The following RSRC2 variants were observed in gnomAD, a reference collection of about 807,000 sequenced individuals.
The protein encoded by RSRC2 is arginine/serine-rich coiled-coil protein 2.
Under a neutral mutation model 61.3 loss-of-function variants are expected in RSRC2, and 5 were observed. The ratio of observed to expected loss-of-function variants is 0.08; its 90% CI spans 0.04 to 0.17. The LOEUF is 0.17. RSRC2 is among the 10% of genes least tolerant of loss of function. The pLI is 1.00. For missense variants in RSRC2, 381 were observed against 518.8 expected, an observed-to-expected ratio of 0.73 and a Z score of 2.58; for synonymous variants, 202 against 166.5, an observed-to-expected ratio of 1.21 and a Z score of -1.64.
Position 122,526,112 on chromosome 12 carries a change from G to A in RSRC2, c.6+736C>T, listed in dbSNP as rs1400130603. ...GCTGGGATTACAGGCGTGAGCCACC[G>A]CGCCCGGCCAACGAAGGGTTTAAAT... is the stretch of plus-strand genomic sequence containing the variant. On this transcript the variant is annotated intron_variant, in intron 1 of 9. Coordinates refer to ENST00000331738, the MANE Select transcript of RSRC2 (RefSeq NM_023012.6). The A allele has an allele frequency of 2.3e-4, 2 of 8,546 alleles. 1 individual carries two copies. Among genetic ancestry groups the A allele is most frequent in the Non-Finnish European group, 3.9e-4 (2 of 5,104 alleles). 0.5% of individuals were successfully genotyped at this position (8,546 alleles called of 1,614,324 possible). A position where few individuals can be genotyped will look rare whatever the true frequency, so the allele number is the denominator to read the frequency against.
In RSRC2 at chr12:122,504,908, T is replaced by C. The variant is rs1235438652; in HGVS notation, c.*619A>G. ...CCTTTTACATTTTTGCTCACCACGG[T>C]ATTGACTGTAGTATAGTTAACTGGC... On this transcript the variant is annotated 3_prime_UTR_variant, in exon 10 of 10. Transcript: ENST00000331738. 1 of 152,614 alleles carries C rather than the reference T, an allele frequency of 6.6e-6. No individual in the cohort carries two copies. The highest frequency in any genetic ancestry group is 1.9e-4 in the East Asian group (1 of 5,200). 9.5% of individuals were successfully genotyped at this position (152,614 alleles called of 1,614,324 possible).
rs1958148067 is a variant in RSRC2, at chr12:122,506,939, G to A, written c.1036-16C>T. On this transcript the variant is annotated splice_polypyrimidine_tract_variant and intron_variant, in intron 8 of 9. Transcript: ENST00000331738. ...GGGATTTGTCCTGTTAACAAACACTGAACTTTAAAATATGTAAAATTTAAA... is the reference window on the plus strand; with the variant it reads ...GGGATTTGTCCTGTTAACAAACACTAAACTTTAAAATATGTAAAATTTAAA... The A allele has an allele frequency of 1.5e-6, 2 of 1,353,184 alleles. No homozygotes were observed. Among genetic ancestry groups the A allele is most frequent in the South Asian group, 1.2e-5 (1 of 83,136 alleles). 83.8% of individuals were successfully genotyped at this position (1,353,184 alleles called of 1,614,324 possible). A position where few individuals can be genotyped will look rare whatever the true frequency, so the allele number is the denominator to read the frequency against.
At chr12:122,522,537 G>T in intron 1 of RSRC2, 2 of 331,260 alleles carry the variant, frequency 6.0e-6, no homozygotes, top group Non-Finnish European at 5.5e-6. Flanking sequence ...ATTTTCTAAC[G>T]ATGATTTGTA....
chr12:122,525,187 G>T (rs774951972), intron 1 of RSRC2, among the ~76,000 whole-genome samples: 1 of 151,974 alleles, frequency 6.6e-6, no homozygotes, highest in Non-Finnish European at 1.5e-5. Flanking sequence ...CAGCCTGGCC[G>T]ACGTGGTGAA....
intron 9 of RSRC2, among the ~76,000 whole-genome samples, chr12:122,505,970 G>A (rs1393906612): frequency 1.3e-5 from 2 of 151,926 alleles, no homozygotes; most frequent in African/African-American, 4.8e-5. Context: ...GTAGAGACGG[G>A]GTTTCACCAC....
intron 9 of RSRC2, among the ~76,000 whole-genome samples, chr12:122,506,065 G>A (rs200521931): frequency 5.3e-4 from 80 of 152,138 alleles, no homozygotes; most frequent in African/African-American, 1.9e-3. Context: ...TGGGATTACA[G>A]GTGTGAACTA....
intron 1 of RSRC2, among the ~76,000 whole-genome samples, chr12:122,524,391 CT>C (rs1296414801): frequency 2.0e-5 from 3 of 152,184 alleles, no homozygotes; most frequent in Non-Finnish European, 4.4e-5. Flanking sequence ...TTGCACGACA[CT>C]TTTGCCAGAG....
At chr12:122,517,798 A>G (rs1959048961) in intron 4 of RSRC2, among the ~76,000 whole-genome samples, 1 of 152,182 alleles carries the variant, frequency 6.6e-6, no homozygotes, top group Non-Finnish European at 1.5e-5. Context: ...CTCCAAAAAA[A>G]ACCCCACCAA....
intron 4 of RSRC2, 116 bp downstream of exon 4, chr12:122,518,723 C>T (rs1409835152): frequency 2.3e-6 from 2 of 855,462 alleles, no homozygotes; most frequent in East Asian, 4.9e-5. Context: ...ACCACAAACC[C>T]AAACAAACGA....
chr12:122,522,515 G>A (rs900922824), intron 1 of RSRC2: 6 of 378,934 alleles, frequency 1.6e-5, no homozygotes, highest in Non-Finnish European at 2.8e-5. Context: ...TATTTAGACT[G>A]ATGTATCTTT....
chr12:122,503,761 T>C lies in RSRC2; in HGVS notation c.*1766A>G, dbSNP rs1440976519. 3 of 152,160 alleles carry C rather than the reference T, an allele frequency of 2.0e-5. No homozygotes were observed. Among genetic ancestry groups the C allele is most frequent in the East Asian group, 1.9e-4 (1 of 5,202 alleles). The allele number at this position is 152,160 out of a possible 1,614,324, so 9.4% of individuals were successfully genotyped here. On this transcript the variant is annotated 3_prime_UTR_variant, in exon 10 of 10. Coordinates refer to ENST00000331738, the MANE Select transcript of RSRC2 (RefSeq NM_023012.6). Reference sequence around the variant, plus strand: ...ATAGAATTTCTGTGCTCTGGGAAAATGAAAGGTTTATTAAAGTACATTAAA... The same window carrying C: ...ATAGAATTTCTGTGCTCTGGGAAAACGAAAGGTTTATTAAAGTACATTAAA...
intron 1 of RSRC2, among the ~76,000 whole-genome samples, chr12:122,524,198 T>C (rs1959700414): frequency 6.6e-6 from 1 of 152,216 alleles, no homozygotes; most frequent in Non-Finnish European, 1.5e-5. Flanking sequence ...TACTAATAAA[T>C]AATGCTGTAT....
chr12:122,504,279 G>GT lies in RSRC2; in HGVS notation c.*1247dup, dbSNP rs1396848637. The GT allele has an allele frequency of 6.6e-6, 1 of 152,128 alleles. No individual in the cohort carries two copies. Among genetic ancestry groups the GT allele is most frequent in the Non-Finnish European group, 1.5e-5 (1 of 68,080 alleles). The allele number at this position is 152,128 out of a possible 1,614,324, so 9.4% of individuals were successfully genotyped here. On this transcript the variant is annotated 3_prime_UTR_variant, in exon 10 of 10. Coordinates refer to ENST00000331738, the MANE Select transcript of RSRC2 (RefSeq NM_023012.6). Reference sequence around the variant, plus strand: ...TGTAACTGAAGTAAATTAACTTCAAGTTTTGCAGGCCCCCCCCACCCCTTG... The same window carrying GT: ...TGTAACTGAAGTAAATTAACTTCAAGTTTTTGCAGGCCCCCCCCACCCCTTG...
intron 2 of RSRC2, 41 bp from the exon 3 acceptor site, chr12:122,521,469 G>A: frequency 6.5e-7 from 1 of 1,547,938 alleles, no homozygotes; most frequent in Non-Finnish European, 8.9e-7. Context: ...AAACAAAGTT[G>A]GAGAAACATT....
chr12:122,522,897 G>T (rs1343606122), intron 1 of RSRC2: 1 of 152,172 alleles, frequency 6.6e-6, no homozygotes, highest in East Asian at 1.9e-4. Context: ...CTCCTCACAT[G>T]TGCTCTGGGC....
intron 6 of RSRC2, chr12:122,514,637 A>C: frequency 9.6e-7 from 1 of 1,046,864 alleles, no homozygotes; most frequent in Non-Finnish European, 1.2e-6. Context: ...TTACAAGATC[A>C]AATAAATTAG....
chr12:122,515,281 G>A, intron 5 of RSRC2, 54 bp from the exon 6 acceptor site: 1 of 1,551,420 alleles, frequency 6.4e-7, no homozygotes, highest in Non-Finnish European at 8.8e-7. Flanking sequence ...TAACTATTTT[G>A]TTAATAAGAA....
chr12:122,514,057 A>AG (rs753025676), intron 6 of RSRC2: 1 of 152,162 alleles, frequency 6.6e-6, no homozygotes, highest in Non-Finnish European at 1.5e-5. Flanking sequence ...TTGTAACGAG[A>AG]GAAAAAAAAA....
rs77525111 is a variant in RSRC2, at chr12:122,520,711, T to C, written c.207+674A>G. ...GAAGAGGTGAAGTCCCTGCCCACTC[T>C]TGTTTTAGGAGTCCCTTACCCAGCC... On this transcript the variant is annotated intron_variant, in intron 3 of 9. Coordinates refer to ENST00000331738, the MANE Select transcript of RSRC2 (RefSeq NM_023012.6). 7.4e-3 allele frequency: 3,693 copies of C among 499,154 alleles called. 82 individuals carry two copies. The highest frequency in any genetic ancestry group is 0.058 in the African/African-American group (2,914 of 49,826). The allele number at this position is 499,154 out of a possible 1,614,324, so 30.9% of individuals were successfully genotyped here.
Sources: allele counts gnomAD v4.1 joint callset (sites outside exome capture counted in the v4.1 genomes callset), GRCh38; gene constraint gnomAD v4.1.1; transcripts MANE v1.5; gene names NCBI Gene and HGNC (gene_info 2026-07-23, HGNC 2026-07-21).